IL36RN: variants seen among roughly 807,000 people sequenced by gnomAD.
IL36RN encodes the protein interleukin 36 receptor antagonist.
A neutral mutation model predicts 13.0 loss-of-function variants in IL36RN; 11 were observed. The observed-to-expected ratio is 0.85, with a 90% CI of 0.53 to 1.40. The LOEUF is 1.40. Ranked by LOEUF, IL36RN falls within the 40% of genes most tolerant of loss-of-function variation. IL36RN has a pLI of 0.00. For missense variants in IL36RN, 195 were observed against 195.3 expected, an observed-to-expected ratio of 1.00 and a Z score of 0.01; for synonymous variants, 94 against 84.1, an observed-to-expected ratio of 1.12 and a Z score of -0.64.
At chr2:113,060,803 G>A (rs372516194) in intron 2 of IL36RN, 49 bp from the exon 3 acceptor site, 26 of 1,345,502 alleles carry the variant, frequency 1.9e-5, no homozygotes, top group Middle Eastern at 2.0e-4. Flanking sequence ...GCATGCTGGA[G>A]TGTCCACCCT....
At position 113,060,938 on chromosome 2, in the gene IL36RN, G is replaced by T. The variant is rs1173603200; in HGVS notation, c.115+1G>T. Reference sequence around the variant, plus strand: ...CTGCATGCAGGGAAGGTCATTAAAGGTTGGTGATGAAACATGACCCACTTT... The same window carrying T: ...CTGCATGCAGGGAAGGTCATTAAAGTTTGGTGATGAAACATGACCCACTTT... On this transcript the variant is annotated splice_donor_variant, in intron 3 of 4. Coordinates refer to ENST00000393200, the MANE Select transcript of IL36RN (RefSeq NM_012275.3). LOFTEE classifies it high-confidence loss of function. 6.2e-7 allele frequency: 1 copy of T among 1,612,874 alleles called. No homozygotes were observed. The highest frequency in any genetic ancestry group is 8.5e-7 in the Non-Finnish European group (1 of 1,178,812).
chr2:113,060,832 AC>A lies in IL36RN; in HGVS notation c.30-16del, dbSNP rs753689752. The stretch of plus-strand genomic sequence containing the variant: ...CCACCCTCCTCCTAATGTAGTCCTC[AC>A]CCCTTCCTGATGTTTCAGAATGAAG... On this transcript the variant is annotated intron_variant, in intron 2 of 4. Coordinates refer to ENST00000393200, the MANE Select transcript of IL36RN (RefSeq NM_012275.3). 8 of 1,590,994 alleles carry A rather than the reference AC, an allele frequency of 5.0e-6. No individual in the cohort carries two copies. The South Asian group carries it at 7.7e-5, about 15-fold the overall frequency.
chr2:113,059,515 G>C, intron 2 of IL36RN, 48 bp downstream of exon 2: 1 of 1,606,848 alleles, frequency 6.2e-7, no homozygotes. Context: ...GAGGAAGTGA[G>C]TTCTGGATAG....
rs1240601426 is a variant in IL36RN at position 113,062,748 on chromosome 2, C to T, written c.*71C>T. On this transcript the variant is annotated 3_prime_UTR_variant, in exon 5 of 5. Coordinates refer to ENST00000393200, the MANE Select transcript of IL36RN (RefSeq NM_012275.3). ...AGGGGTGAGTGGAGGAGACCCATGG[C>T]GGACAATCACTCTCTCTGCTCTCAG... 1.3e-5 allele frequency: 17 copies of T among 1,310,742 alleles called. No individual in the cohort carries two copies. The highest frequency in any genetic ancestry group is 9.8e-5 in the South Asian group (8 of 81,320). The allele number at this position is 1,310,742 out of a possible 1,614,324, so 81.2% of individuals were successfully genotyped here.
intron 3 of IL36RN, 53 bp from the exon 4 acceptor site, chr2:113,062,071 G>C: frequency 6.2e-7 from 1 of 1,600,118 alleles, no homozygotes; most frequent in East Asian, 2.3e-5. Context: ...CCAGGACAGG[G>C]GAAGAAGGAG....
rs912400192 is a variant in IL36RN at position 113,063,743 on chromosome 2, T to C, written c.*1066T>C. ...AGGAAACAGATCTCAGCAAAGCCAC[T>C]GAGGAGGAGGCTGTGCTGAGTTTGT... On this transcript the variant is annotated 3_prime_UTR_variant, in exon 5 of 5. Coordinates refer to ENST00000393200, the MANE Select transcript of IL36RN (RefSeq NM_012275.3). 6.6e-6 allele frequency: 1 copy of C among 152,192 alleles called. No homozygotes were observed. The highest frequency in any genetic ancestry group is 1.5e-5 in the Non-Finnish European group (1 of 68,032). The allele number at this position is 152,192 out of a possible 1,614,324, so 9.4% of individuals were successfully genotyped here.
In IL36RN at chr2:113,062,673, A is replaced by C; in HGVS notation, c.464A>C (p.Asp155Ala). 1 of 1,609,994 alleles carries C rather than the reference A, an allele frequency of 6.2e-7. No homozygotes were observed. The highest frequency in any genetic ancestry group is 1.1e-5 in the South Asian group (1 of 91,030). ...PITDFYFQQC[D>A] ...ACAGACTTCTACTTCCAGCAGTGTGACTAGGGCAACGTGCCCCCCAGAACT... is the reference window on the plus strand; with the variant it reads ...ACAGACTTCTACTTCCAGCAGTGTGCCTAGGGCAACGTGCCCCCCAGAACT... The change falls in exon 5 of 5, where the codon GAC becomes GCC. Residue 155 changes from aspartate to alanine, a missense_variant. Asp to Ala is a moderately radical substitution (Grantham distance 126). Coordinates refer to ENST00000393200, the MANE Select transcript of IL36RN (RefSeq NM_012275.3).
Position 113,062,811 on chromosome 2 carries a change from T to A in IL36RN, c.*134T>A. Reference sequence around the variant, plus strand: ...TGACTTAGTGGGCACCTGACCACTTTGTCTTCTGGTTCCCAGTTTGGATAA... The same window carrying A: ...TGACTTAGTGGGCACCTGACCACTTAGTCTTCTGGTTCCCAGTTTGGATAA... On this transcript the variant is annotated 3_prime_UTR_variant, in exon 5 of 5. Transcript: ENST00000393200. 1.3e-6 allele frequency: 1 copy of A among 781,502 alleles called. No individual in the cohort carries two copies. Among genetic ancestry groups the A allele is most frequent in the Non-Finnish European group, 2.2e-6 (1 of 462,046 alleles). 48.4% of individuals were successfully genotyped at this position (781,502 alleles called of 1,614,324 possible).
At chr2:113,062,000 A>G in intron 3 of IL36RN, 124 bp from the exon 4 acceptor site, 2 of 1,314,800 alleles carry the variant, frequency 1.5e-6, no homozygotes, top group South Asian at 2.5e-5. Context: ...AGCTGCTGAG[A>G]AGCCTCCCTT....
chr2:113,063,584 T>C lies in IL36RN; in HGVS notation c.*907T>C, dbSNP rs989068089. 1.3e-5 allele frequency: 2 copies of C among 152,198 alleles called. No individual in the cohort carries two copies. Among genetic ancestry groups the C allele is most frequent in the Admixed American group, 6.5e-5 (1 of 15,276 alleles). The allele number at this position is 152,198 out of a possible 1,614,324, so 9.4% of individuals were successfully genotyped here. On this transcript the variant is annotated 3_prime_UTR_variant, in exon 5 of 5. Coordinates refer to ENST00000393200, the MANE Select transcript of IL36RN (RefSeq NM_012275.3). ...CTACAATGAAGATGAATTCCTTGTATAAAAATAAGAAAAGAAATTAATCTT... is the reference window on the plus strand; with the variant it reads ...CTACAATGAAGATGAATTCCTTGTACAAAAATAAGAAAAGAAATTAATCTT...
chr2:113,060,769 A>T (rs1252995295), intron 2 of IL36RN, 83 bp from the exon 3 acceptor site: 1 of 945,140 alleles, frequency 1.1e-6, no homozygotes, highest in Non-Finnish European at 1.7e-6. Flanking sequence ...AATGCCTGAG[A>T]TCAGGGGGTT....
In IL36RN at chr2:113,062,547, C is replaced by T. The variant is rs144478519; in HGVS notation, c.338C>T (p.Ser113Leu). The T allele has an allele frequency of 3.4e-3, 5,427 of 1,614,064 alleles. 10 individuals are homozygous for T. Among genetic ancestry groups the T allele is most frequent in the Non-Finnish European group, 3.9e-3 (4,619 of 1,180,018 alleles). ...RDMGLTSSFESAAYPGWFLCT... is the reference protein window; with the variant it reads ...RDMGLTSSFELAAYPGWFLCT... ...ATGGGGCTCACCTCCAGCTTCGAGT[C>T]GGCTGCCTACCCGGGCTGGTTCCTG... Residue 113 changes from serine to leucine, a missense_variant, in exon 5 of 5, where the codon TCG becomes TTG. By Grantham distance (145) the Ser-to-Leu change is moderately radical (BLOSUM62 -2). Transcript: ENST00000393200.
At chr2:113,061,959 A>G (rs2472187) in intron 3 of IL36RN, among the ~76,000 whole-genome samples, 165 bp from the exon 4 acceptor site, 104,918 of 151,982 alleles carry the variant, frequency 0.69, 37,053 homozygotes, top group East Asian at 0.93. Context: ...GTCCACTCTG[A>G]GCCAGTGGAC....
At chr2:113,059,376 T>C in intron 1 of IL36RN, 36 bp from the exon 2 acceptor site, 1 of 1,594,618 alleles carries the variant, frequency 6.3e-7, no homozygotes. Context: ...ACTCAGCCTC[T>C]CTCTCCATGA....
rs763019031 is a variant in IL36RN at position 113,062,699 on chromosome 2, C to A, written c.*22C>A. On this transcript the variant is annotated 3_prime_UTR_variant, in exon 5 of 5. Transcript: ENST00000393200. The stretch of plus-strand genomic sequence containing the variant: ...CTAGGGCAACGTGCCCCCCAGAACT[C>A]CCTGGGCAGAGCCAGCTCGGGTGAG... The A allele has an allele frequency of 6.9e-6, 11 of 1,599,910 alleles. No individual in the cohort carries two copies. Among genetic ancestry groups the A allele is most frequent in the Non-Finnish European group, 8.5e-6 (10 of 1,174,484 alleles).
Position 113,062,679 on chromosome 2 carries a change from G to A in IL36RN, c.*2G>A, listed in dbSNP as rs1685668248. 1.2e-6 allele frequency: 2 copies of A among 1,609,006 alleles called. No individual in the cohort carries two copies. The highest frequency in any genetic ancestry group is 1.7e-6 in the Non-Finnish European group (2 of 1,179,662). On this transcript the variant is annotated 3_prime_UTR_variant, in exon 5 of 5. Coordinates refer to ENST00000393200, the MANE Select transcript of IL36RN (RefSeq NM_012275.3). ...TTCTACTTCCAGCAGTGTGACTAGG[G>A]CAACGTGCCCCCCAGAACTCCCTGG... is the stretch of plus-strand genomic sequence containing the variant.
At chr2:113,062,299 C>T in intron 4 of IL36RN, 48 bp downstream of exon 4, 1 of 1,611,822 alleles carries the variant, frequency 6.2e-7, no homozygotes, top group East Asian at 2.2e-5. Flanking sequence ...AGATGCTGAG[C>T]CTACTGAAGC....
chr2:113,062,852 G>A lies in IL36RN; in HGVS notation c.*175G>A, dbSNP rs1685671469. 2.9e-6 allele frequency: 2 copies of A among 682,398 alleles called. No homozygotes were observed. Among genetic ancestry groups the A allele is most frequent in the South Asian group, 3.3e-5 (2 of 60,122 alleles). 42.3% of individuals were successfully genotyped at this position (682,398 alleles called of 1,614,324 possible). A position where few individuals can be genotyped will look rare whatever the true frequency, so the allele number is the denominator to read the frequency against. Reference sequence around the variant, plus strand: ...GTTTGGATAAATTCTGAGATTTGGAGCTCAGTCCACGGTCCTCCCCCACTG... The same window carrying A: ...GTTTGGATAAATTCTGAGATTTGGAACTCAGTCCACGGTCCTCCCCCACTG... On this transcript the variant is annotated 3_prime_UTR_variant, in exon 5 of 5. Transcript: ENST00000393200.
upstream of IL36RN, chr2:113,059,010 T>C: frequency 4.1e-6 from 1 of 241,074 alleles, no homozygotes; most frequent in Admixed American, 4.9e-5. Flanking sequence ...AGGAAGTTCT[T>C]CAATATTTCT....
Sources: allele counts gnomAD v4.1 joint callset (sites outside exome capture counted in the v4.1 genomes callset), GRCh38; gene constraint gnomAD v4.1.1; transcripts MANE v1.5; gene names NCBI Gene and HGNC (gene_info 2026-07-23, HGNC 2026-07-21).